NEDD9: variants seen among roughly 807,000 people sequenced by gnomAD.
NEDD9 encodes the protein neural precursor cell expressed, developmentally down-regulated 9.
Under a neutral mutation model 76.6 loss-of-function variants are expected in NEDD9, and 26 were observed. That is an observed-to-expected ratio of 0.34 (90% CI 0.25 to 0.47). The LOEUF (loss-of-function observed/expected upper bound fraction) is 0.47. Ranked by LOEUF, NEDD9 falls within the 20% of genes least tolerant of loss-of-function variation. The probability of loss-of-function intolerance (pLI) is 1.00; values close to 1 mark genes in which losing one functional copy is unlikely to be tolerated. For missense variants in NEDD9, 937 were observed against 1,058.5 expected (o/e 0.89, Z 1.59); for synonymous variants, 392 against 414.2 (o/e 0.95, Z 0.65).
intron 3 of NEDD9, among the ~76,000 whole-genome samples, chr6:11,248,070 A>G (rs1759842895): frequency 6.6e-6 from 1 of 152,124 alleles, no homozygotes; most frequent in South Asian, 2.1e-4. Flanking sequence ...CATTTTAAAG[A>G]GTTTTTTAAC....
At chr6:11,278,038 G>T (rs562007795) in intron 3 of NEDD9, among the ~76,000 whole-genome samples, 311 of 152,280 alleles carry the variant, frequency 2.0e-3, no homozygotes, top group African/African-American at 6.6e-3. Context: ...GGAGGCTGGA[G>T]GGAGAATGGG....
intron 3 of NEDD9, among the ~76,000 whole-genome samples, chr6:11,263,845 T>C (rs1181519838): frequency 6.6e-6 from 1 of 152,232 alleles, no homozygotes; most frequent in Non-Finnish European, 1.5e-5. Context: ...TGTATGCTTC[T>C]GTAAGCCTAC....
rs398109841 is a variant in NEDD9 at position 11,319,532 on chromosome 6, T to TC, written c.-152-13378_-152-13377insG. Among the ~76,000 whole-genome samples the TC allele has an allele frequency of 7.9e-3, 769 of 96,784 alleles. 4 individuals are homozygous for TC. The highest frequency in any genetic ancestry group is 0.027 in the African/African-American group (684 of 24,938). 63.5% of individuals were successfully genotyped at this position (96,784 alleles called of 152,430 possible). A position where few individuals can be genotyped will look rare whatever the true frequency, so the allele number is the denominator to read the frequency against. On this transcript the variant is annotated intron_variant, in intron 2 of 3. Coordinates refer to the NEDD9 transcript ENST00000397378. ...CACACACTAACATGCACACTCACAC[T>TC]AACATGCGGACACACACTAACATGC...
intron 1 of NEDD9, among the ~76,000 whole-genome samples, chr6:11,338,726 A>G (rs1762214121): frequency 6.6e-6 from 1 of 152,142 alleles, no homozygotes; most frequent in African/African-American, 2.4e-5. Context: ...GATCGAGACC[A>G]TCCTGGCCAA....
chr6:11,192,933 A>AC, intron 3 of NEDD9, among the ~76,000 whole-genome samples: 1 of 52,808 alleles, frequency 1.9e-5, no homozygotes, highest in Non-Finnish European at 4.2e-5. Context: ...ACTCTGTCTC[A>AC]AAAAAAAAAA....
Position 11,365,712 on chromosome 6 carries a change from G to A in NEDD9, c.-214+16427C>T, listed in dbSNP as rs189417321. Among the ~76,000 whole-genome samples the A allele has an allele frequency of 2.6e-3, 392 of 152,296 alleles. 2 individuals carry two copies. Among genetic ancestry groups the A allele is most frequent in the Non-Finnish European group, 4.3e-3 (292 of 68,028 alleles). ...AGAAGAAAGAAAATAAAATGGGGCCGGGCGCAGTGGCTCACGCCTGTAATC... is the reference window on the plus strand; with the variant it reads ...AGAAGAAAGAAAATAAAATGGGGCCAGGCGCAGTGGCTCACGCCTGTAATC... On this transcript the variant is annotated intron_variant, in intron 1 of 3. Transcript: ENST00000397378.
Position 11,191,177 on chromosome 6 carries a change from C to A in NEDD9, c.692G>T (p.Arg231Leu), listed in dbSNP as rs781704547. 2 of 1,608,694 alleles carry A rather than the reference C, an allele frequency of 1.2e-6. No individual in the cohort carries two copies. Among genetic ancestry groups the A allele is most frequent in the African/African-American group, 1.3e-5 (1 of 74,650 alleles). The change falls in exon 5 of 7, where the codon CGG (arginine) becomes CTG (leucine). Residue 231 changes from arginine to leucine, a missense_variant. Coordinates refer to ENST00000379446, the MANE Select transcript of NEDD9 (RefSeq NM_006403.4). ...TTTTTCCCTAAGCCCTGCTTCATCC[C>A]GGCAAGCAGAGGGCGGAATGGCATA... ...GVYAIPPSAC[R>L]DEAGLREKDY...
At chr6:11,231,336 T>C (rs1411932794) in intron 1 of NEDD9, among the ~76,000 whole-genome samples, 1 of 152,230 alleles carries the variant, frequency 6.6e-6, no homozygotes, top group Non-Finnish European at 1.5e-5. Context: ...CATTTAGACT[T>C]AAAGCTTTTG....
intron 1 of NEDD9, among the ~76,000 whole-genome samples, chr6:11,368,956 T>C (rs1762813867): frequency 6.6e-6 from 1 of 152,220 alleles, no homozygotes; most frequent in Admixed American, 6.5e-5. Context: ...AATCATCCAT[T>C]GACTCATAAA....
At position 11,241,081 on chromosome 6, in the gene NEDD9, C is replaced by G. The variant is rs942626544; in HGVS notation, c.13-27354G>C. 6.6e-6 allele frequency among the ~76,000 whole-genome samples: 1 copy of G among 152,222 alleles called. No individual in the cohort carries two copies. Among genetic ancestry groups the G allele is most frequent in the Admixed American group, 6.5e-5 (1 of 15,282 alleles). On this transcript the variant is annotated intron_variant, in intron 3 of 3. Coordinates refer to the NEDD9 transcript ENST00000397378. The surrounding 1 kb of genome is among the most constrained non-coding windows in gnomAD (Gnocchi z 4.0). ...AAATCTTTTCTGCTGATAGAAACTT[C>G]ACACTGTGGATTTTTACAAAGGTTG...
intron 3 of NEDD9, among the ~76,000 whole-genome samples, chr6:11,281,191 A>G (rs1165590141): frequency 1.3e-5 from 2 of 152,224 alleles, no homozygotes; most frequent in Non-Finnish European, 2.9e-5. Context: ...ACCAAGAACT[A>G]CCCTTTTAAG....
At chr6:11,209,874 G>A (rs967175841) in intron 2 of NEDD9, among the ~76,000 whole-genome samples, 3 of 152,010 alleles carry the variant, frequency 2.0e-5, no homozygotes, top group Non-Finnish European at 4.4e-5. Context: ...AATATGTGAT[G>A]AATGTCAGTT....
chr6:11,348,012 A>G (rs963375081), intron 1 of NEDD9, among the ~76,000 whole-genome samples: 1 of 152,216 alleles, frequency 6.6e-6, no homozygotes, highest in African/African-American at 2.4e-5. Context: ...CTGTTTGCAG[A>G]TGACATGATC....
intron 2 of NEDD9, among the ~76,000 whole-genome samples, chr6:11,310,725 C>G (rs930351264): frequency 6.6e-6 from 1 of 152,188 alleles, no homozygotes; most frequent in African/African-American, 2.4e-5. Context: ...CAAACTTTCC[C>G]CATGTTTTTC....
intron 2 of NEDD9, among the ~76,000 whole-genome samples, chr6:11,318,216 G>A (rs1290357448): frequency 2.0e-5 from 3 of 152,088 alleles, no homozygotes; most frequent in African/African-American, 7.2e-5. Flanking sequence ...CAGATCTTGG[G>A]ACCTGCCTGC....
chr6:11,231,311 T>A (rs1166640632), intron 1 of NEDD9, among the ~76,000 whole-genome samples: 1 of 152,236 alleles, frequency 6.6e-6, no homozygotes, highest in Non-Finnish European at 1.5e-5. Flanking sequence ...TAGGCATTAC[T>A]ATAAAGACTT....
At chr6:11,330,627 A>C (rs547931608) in intron 2 of NEDD9, among the ~76,000 whole-genome samples, 1 of 152,300 alleles carries the variant, frequency 6.6e-6, no homozygotes, top group East Asian at 1.9e-4. Context: ...AGTGCCAGGA[A>C]AGACAAGGTC....
At chr6:11,206,790 G>A (rs1758629362) in intron 2 of NEDD9, among the ~76,000 whole-genome samples, 2 of 123,960 alleles carry the variant, frequency 1.6e-5, no homozygotes, top group Admixed American at 8.8e-5. Flanking sequence ...TTTGGCTCGG[G>A]TGACTTGTCT....
At position 11,191,134 on chromosome 6, in the gene NEDD9, AGGG is replaced by A. The variant is rs781729239; in HGVS notation, c.732_734del (p.Pro246del). The A allele has an allele frequency of 6.2e-7, 1 of 1,613,556 alleles. No individual in the cohort carries two copies. ...CCGGCCTTCCAGCTTGTCTCATGGGAGGGGGGAAGTCATAGTCTTTTTCCCTAA... is the reference window on the plus strand; with the variant it reads ...CCGGCCTTCCAGCTTGTCTCATGGGAGGGAAGTCATAGTCTTTTTCCCTAA... On this transcript the variant is annotated inframe_deletion, in exon 5 of 7. Coordinates refer to ENST00000379446, the MANE Select transcript of NEDD9 (RefSeq NM_006403.4).
Sources: allele counts gnomAD v4.1 joint callset (sites outside exome capture counted in the v4.1 genomes callset), GRCh38; gene constraint gnomAD v4.1.1; non-coding constraint Gnocchi (gnomAD v3.1); transcripts MANE v1.5; gene names NCBI Gene and HGNC (gene_info 2026-07-23, HGNC 2026-07-21).